SIGLEC9: variants seen among roughly 807,000 people sequenced by gnomAD.
SIGLEC9 encodes sialic acid-binding Ig-like lectin 9.
SIGLEC9 carries 26 observed loss-of-function variants against 38.3 expected under a neutral mutation model. The observed-to-expected ratio is 0.68, with a 90% confidence interval of 0.50 to 0.94. The LOEUF (loss-of-function observed/expected upper bound fraction) is 0.94. SIGLEC9 is among the 40% of genes least tolerant of loss of function. The pLI, the probability that SIGLEC9 is intolerant of heterozygous loss-of-function variation, is 0.00. For missense variants in SIGLEC9, 556 were observed against 585.7 expected, an observed-to-expected ratio of 0.95 and a Z score of 0.52; for synonymous variants, 236 against 248.0, an observed-to-expected ratio of 0.95 and a Z score of 0.45.
At position 51,125,313 on chromosome 19, in the gene SIGLEC9, T is replaced by A; in HGVS notation, c.339T>A (p.Asp113Glu). ...TLSIRDARRS[D>E]AGRYFFRMEK... is the part of the protein sequence containing the mutation. ...GCATCAGAGATGCCAGAAGAAGTGATGCGGGGAGATACTTCTTTCGTATGG... is the reference window on the plus strand; with the variant it reads ...GCATCAGAGATGCCAGAAGAAGTGAAGCGGGGAGATACTTCTTTCGTATGG... The change falls in exon 1 of 7, where the codon GAT becomes GAA. Residue 113 changes from aspartate to glutamate, a missense_variant. Coordinates refer to ENST00000250360, the MANE Select transcript of SIGLEC9 (RefSeq NM_014441.3). The A allele has an allele frequency of 6.2e-7, 1 of 1,613,314 alleles. No individual in the cohort carries two copies. The highest frequency in any genetic ancestry group is 8.5e-7 in the Non-Finnish European group (1 of 1,179,678).
downstream of SIGLEC9, among the ~76,000 whole-genome samples, chr19:51,131,351 G>A (rs2092013766): frequency 6.6e-6 from 1 of 152,136 alleles, no homozygotes; most frequent in East Asian, 1.9e-4. Flanking sequence ...ACTTTGGGAG[G>A]CCGAGGTGGG....
intron 3 of SIGLEC9, among the ~76,000 whole-genome samples, chr19:51,126,785 G>T (rs1296826934): frequency 6.6e-6 from 1 of 152,142 alleles, no homozygotes; most frequent in Non-Finnish European, 1.5e-5. Flanking sequence ...TAAGCCTGTG[G>T]GTTAAGTTCC....
chr19:51,132,617 G>GGGCGGCACTCTTTCAGAGATGCTGC (rs2092022363), downstream of SIGLEC9, among the ~76,000 whole-genome samples: 1 of 152,134 alleles, frequency 6.6e-6, no homozygotes, highest in Admixed American at 6.5e-5. Flanking sequence ...ACGGATTCTG[G>GGGCGGCACTCTTTCAGAGATGCTGC]GGCGGCACTC....
rs148973548 is a variant in SIGLEC9, at chr19:51,135,772, T to A, written c.1204-190T>A. ...TGTTGGAGGGTTTTGTCATTTTTTT[T>A]AATTCTTTTTTTAAAAATTTTTGTC... On this transcript the variant is annotated intron_variant, in intron 6 of 6. Transcript: ENST00000440804. 1.1e-3 allele frequency among the ~76,000 whole-genome samples: 166 copies of A among 152,240 alleles called. 4 individuals are homozygous for A. The East Asian group carries it at 0.02, about 19-fold the overall frequency.
intron 6 of SIGLEC9, among the ~76,000 whole-genome samples, chr19:51,129,457 C>T (rs549959294): frequency 1.3e-5 from 2 of 152,086 alleles, no homozygotes; most frequent in South Asian, 2.1e-4. Flanking sequence ...CTGTGACCGG[C>T]CACATTCTGA....
chr19:51,134,129 A>G (rs544353989), downstream of SIGLEC9, among the ~76,000 whole-genome samples: 1 of 119,242 alleles, frequency 8.4e-6, no homozygotes, highest in Non-Finnish European at 1.9e-5. Flanking sequence ...GGTCCTGGGA[A>G]TTTTATTTCT....
At chr19:51,134,980 C>A (rs988475146), downstream of SIGLEC9, among the ~76,000 whole-genome samples, 2 of 152,204 alleles carry the variant, frequency 1.3e-5, no homozygotes, top group Admixed American at 1.3e-4. Flanking sequence ...GCTACATCAG[C>A]CCCATCTGGC....
At chr19:51,124,858 C>T (rs981079810), upstream of SIGLEC9, 25 of 1,354,480 alleles carry the variant, frequency 1.8e-5, no homozygotes, top group African/African-American at 1.2e-4. Context: ...GTCACTGTTC[C>T]GACCTCGCCC....
At position 51,125,862 on chromosome 19, in the gene SIGLEC9, T is replaced by A. The variant is rs374826635; in HGVS notation, c.687T>A (p.His229Gln). The change falls in exon 2 of 7, where the codon CAT (histidine) becomes CAA (glutamine). Residue 229 changes from histidine to glutamine, a missense_variant. By Grantham distance (24) the His-to-Gln change is conservative. Transcript: ENST00000250360. ...GCGTGACCACGAACAAGACCGTCCA[T>A]CTCAACGTGTCCTGTGAGTGCTGGG... ...GASVTTNKTVHLNVSYPPQNL... is the reference protein window; with the variant it reads ...GASVTTNKTVQLNVSYPPQNL... 6.2e-7 allele frequency: 1 copy of A among 1,614,104 alleles called. No homozygotes were observed. The highest frequency in any genetic ancestry group is 8.5e-7 in the Non-Finnish European group (1 of 1,180,000).
chr19:51,124,573 C>T (rs971032887), upstream of SIGLEC9, among the ~76,000 whole-genome samples: 5 of 152,176 alleles, frequency 3.3e-5, no homozygotes, highest in African/African-American at 4.8e-5. Context: ...CCCCAAGTCC[C>T]ACCTCTGAGC....
chr19:51,125,926 C>A (rs770063129), intron 2 of SIGLEC9, 51 bp downstream of exon 2: 24 of 1,609,690 alleles, frequency 1.5e-5, no homozygotes, highest in Non-Finnish European at 4.2e-6. Context: ...AGCGTCAAGC[C>A]TGGACACTGG....
At position 51,126,112 on chromosome 19, in the gene SIGLEC9, C is replaced by T. The variant is rs1463255721; in HGVS notation, c.732C>T (p.Phe244=). 1 of 1,613,916 alleles carries T rather than the reference C, an allele frequency of 6.2e-7. No individual in the cohort carries two copies. Among genetic ancestry groups the T allele is most frequent in the African/African-American group, 1.3e-5 (1 of 74,882 alleles). The change falls in exon 3 of 7, where the codon TTC becomes TTT. Residue 244 remains phenylalanine (F), a synonymous_variant. Transcript: ENST00000250360. ...YPPQNLTMTV[F]QGDGTVSTVL... ...CTCAGAACTTGACCATGACTGTCTT[C>T]CAAGGAGACGGCACAGGTAGGATGG...
intron 6 of SIGLEC9, among the ~76,000 whole-genome samples, chr19:51,129,146 G>GTTTTTTTTTT (rs750894593): frequency 7.3e-6 from 1 of 136,198 alleles, no homozygotes. Context: ...GACTTTTTTT[G>GTTTTTTTTTT]TTTTTTTTTT....
downstream of SIGLEC9, among the ~76,000 whole-genome samples, chr19:51,133,034 TTATATA>T (rs917475842): frequency 5.3e-5 from 8 of 151,608 alleles, no homozygotes; most frequent in Non-Finnish European, 1.2e-4. Context: ...AAATATAAGT[TTATATA>T]TATACATATA....
intron 2 of SIGLEC9, 65 bp from the exon 3 acceptor site, chr19:51,126,016 G>A (rs2091977028): frequency 6.3e-7 from 1 of 1,590,048 alleles, no homozygotes; most frequent in Admixed American, 1.7e-5. Flanking sequence ...CGGCTCCTGG[G>A]GACAGACAGG....
Position 51,130,236 on chromosome 19 carries a change from T to G in SIGLEC9, c.*157T>G. The stretch of plus-strand genomic sequence containing the variant: ...AGTGAAAAGCACACAGGCTTTAGAG[T>G]CAAAGTATCTCAAACCTGAATCCAC... On this transcript the variant is annotated 3_prime_UTR_variant, in exon 7 of 7. Coordinates refer to ENST00000250360, the MANE Select transcript of SIGLEC9 (RefSeq NM_014441.3). 3 of 1,317,426 alleles carry G rather than the reference T, an allele frequency of 2.3e-6. No homozygotes were observed. In the East Asian group the frequency reaches 8.7e-5, roughly 38 times the overall value. 81.6% of individuals were successfully genotyped at this position (1,317,426 alleles called of 1,614,324 possible). A position where few individuals can be genotyped will look rare whatever the true frequency, so the allele number is the denominator to read the frequency against.
chr19:51,120,207 C>G (rs945269011), upstream of SIGLEC9: 1 of 152,684 alleles, frequency 6.5e-6, no homozygotes, highest in Non-Finnish European at 1.5e-5. The surrounding 1 kb of genome is among the most constrained non-coding windows in gnomAD (Gnocchi z 4.1). Context: ...CATCCCCAGA[C>G]CTACAGCTGC....
At chr19:51,131,397 C>T (rs955580735), downstream of SIGLEC9, among the ~76,000 whole-genome samples, 2 of 152,004 alleles carry the variant, frequency 1.3e-5, no homozygotes, top group African/African-American at 4.8e-5. Flanking sequence ...ACCATCCTGG[C>T]TAACATGGTG....
At chr19:51,133,519 G>T (rs1302741779), downstream of SIGLEC9, among the ~76,000 whole-genome samples, 3 of 152,108 alleles carry the variant, frequency 2.0e-5, no homozygotes, top group Non-Finnish European at 2.9e-5. Context: ...GGAGGCAGAG[G>T]TTGCAGTGAG....
Sources: gnomAD v4.1 joint callset for allele counts (sites outside exome capture counted in the v4.1 genomes callset) on GRCh38, gnomAD v4.1.1 for gene constraint, Gnocchi (gnomAD v3.1) non-coding constraint, MANE v1.5 for transcripts, NCBI Gene and HGNC (gene_info 2026-07-23, HGNC 2026-07-21) for gene names.